DBX2: variants seen among roughly 807,000 people sequenced by gnomAD.
The protein encoded by DBX2 is homeobox protein DBX2.
A neutral mutation model predicts 17.7 loss-of-function variants in DBX2; 16 were observed. The ratio of observed to expected loss-of-function variants is 0.90; its 90% CI spans 0.61 to 1.37. DBX2 has a LOEUF of 1.37. Among genes scored for constraint, DBX2 ranks in the 40% most tolerant of loss-of-function variants. The pLI is 0.00. For synonymous variants in DBX2, 255 were observed against 183.8 expected, an observed-to-expected ratio of 1.39 and a Z score of -3.13; for missense variants, 538 against 433.8, an observed-to-expected ratio of 1.24 and a Z score of -2.13.
In DBX2 at chr12:45,016,402, G is replaced by C. The variant is rs886719032; in HGVS notation, c.904C>G (p.Leu302Val). The C allele has an allele frequency of 6.2e-7, 1 of 1,613,922 alleles. No individual in the cohort carries two copies. Among genetic ancestry groups the C allele is most frequent in the African/African-American group, 1.3e-5 (1 of 74,908 alleles). ...GGTGCCCCTGAACTCTCCTGGATTA[G>C]TCTTTCTGAAGGTTCTGGAGAATTC... ...RENSPEPSER[L>V]IQESSGAPPP... Residue 302 changes from leucine to valine, a missense_variant, in exon 4 of 4, where the codon CTA (leucine) becomes GTA (valine). Physicochemically the swap from Leu to Val is conservative, Grantham distance 32. Coordinates refer to ENST00000332700, the MANE Select transcript of DBX2 (RefSeq NM_001004329.3).
At chr12:45,045,184 A>G (rs562448145) in intron 1 of DBX2, among the ~76,000 whole-genome samples, 2 of 152,308 alleles carry the variant, frequency 1.3e-5, no homozygotes, top group South Asian at 4.2e-4. Context: ...ACGAAAACTC[A>G]GTTATTTAAA....
At chr12:45,030,891 T>C (rs73090958) in intron 2 of DBX2, among the ~76,000 whole-genome samples, 101 of 152,304 alleles carry the variant, frequency 6.6e-4, no homozygotes, top group Non-Finnish European at 1.4e-3. Context: ...TCCTTTTATA[T>C]AGATTCAATA....
At chr12:45,031,122 C>CA (rs1238867738) in intron 2 of DBX2, among the ~76,000 whole-genome samples, 7 of 151,786 alleles carry the variant, frequency 4.6e-5, no homozygotes, top group African/African-American at 1.5e-4. Context: ...CTCACAGTTG[C>CA]AACTTCCTAC....
intron 1 of DBX2, among the ~76,000 whole-genome samples, chr12:45,044,303 T>C (rs1042987383): frequency 2.6e-5 from 4 of 152,196 alleles, no homozygotes; most frequent in Non-Finnish European, 5.9e-5. Context: ...CCCTAGGTTA[T>C]CTATTAAAAA....
intron 1 of DBX2, among the ~76,000 whole-genome samples, chr12:45,045,848 C>G (rs1946496677): frequency 6.6e-6 from 1 of 152,058 alleles, no homozygotes; most frequent in African/African-American, 2.4e-5. Context: ...GTAGCATAAC[C>G]CTGAACACTC....
chr12:45,027,397 T>C (rs1170870053), intron 2 of DBX2, among the ~76,000 whole-genome samples: 2 of 152,194 alleles, frequency 1.3e-5, no homozygotes, highest in Non-Finnish European at 2.9e-5. Flanking sequence ...TTCAAATTAG[T>C]GGCTCTTTCC....
At chr12:45,025,591 G>C (rs1430192143) in intron 2 of DBX2, among the ~76,000 whole-genome samples, 1 of 151,328 alleles carries the variant, frequency 6.6e-6, no homozygotes, top group Non-Finnish European at 1.5e-5. Flanking sequence ...CCACCCTAAA[G>C]GAGCTCACCT....
rs138936755 is a variant in DBX2, at chr12:45,034,343, G to A, written c.499+1676C>T. 5.1e-3 allele frequency among the ~76,000 whole-genome samples: 776 copies of A among 152,166 alleles called. 10 individuals are homozygous for A. Among genetic ancestry groups the A allele is most frequent in the African/African-American group, 0.016 (677 of 41,496 alleles). On this transcript the variant is annotated intron_variant, in intron 2 of 3. Transcript: ENST00000332700. ...TTCCACAGCGATGCCATCATGATAC[G>A]GTATCAGATATTTGGGTTTTAGGTC...
rs534980382 is a variant in DBX2, at chr12:45,016,763, AT to A, written c.688-146del. 3.2e-5 allele frequency: 19 copies of A among 589,716 alleles called. No homozygotes were observed. The South Asian group carries it at 8.7e-4, about 27-fold the overall frequency. The allele number at this position is 589,716 out of a possible 1,614,324, so 36.5% of individuals were successfully genotyped here. On this transcript the variant is annotated intron_variant, in intron 3 of 3. Coordinates refer to ENST00000332700, the MANE Select transcript of DBX2 (RefSeq NM_001004329.3). ...TCAAAAAGTCCTTGTGGCTTTTCAC[AT>A]GGGCTCCTTCAAAAATATCCCATTG...
chr12:45,050,107 G>C (rs1285376048), intron 1 of DBX2, among the ~76,000 whole-genome samples: 2 of 152,098 alleles, frequency 1.3e-5, no homozygotes, highest in Non-Finnish European at 2.9e-5. Context: ...AGCTCTCCTT[G>C]TCAAGAACTT....
At chr12:45,016,983 A>G (rs1946327570) in intron 3 of DBX2, among the ~76,000 whole-genome samples, 1 of 151,954 alleles carries the variant, frequency 6.6e-6, no homozygotes. Context: ...ACAGGGTTTC[A>G]TCATGTTGCC....
At position 45,050,913 on chromosome 12, in the gene DBX2, C is replaced by T. The variant is rs943038816; in HGVS notation, c.15G>A (p.Ala5=). The change falls in exon 1 of 4, where the codon GCG becomes GCA. Residue 5 remains alanine, a synonymous_variant. Transcript: ENST00000332700. MLPS[A]VAAHAGAYWD... ...AGTACGCACCGGCGTGGGCTGCGAC[C>T]GCGCTGGGGAGCATAGTGCGGCGCC... The T allele has an allele frequency of 2.0e-6, 3 of 1,499,866 alleles. No individual in the cohort carries two copies. The Admixed American group carries it at 7.1e-5, about 35-fold the overall frequency. The allele number at this position is 1,499,866 out of a possible 1,614,324, so 92.9% of individuals were successfully genotyped here.
intron 2 of DBX2, among the ~76,000 whole-genome samples, chr12:45,024,795 C>G (rs1216295057): frequency 6.6e-6 from 1 of 152,148 alleles, no homozygotes; most frequent in Non-Finnish European, 1.5e-5. Flanking sequence ...AGGGGTCTGA[C>G]ATAAACCTGG....
chr12:45,018,716 C>A (rs1441626383), intron 3 of DBX2, among the ~76,000 whole-genome samples: 1 of 151,906 alleles, frequency 6.6e-6, no homozygotes, highest in East Asian at 1.9e-4. Flanking sequence ...GCATTATTCA[C>A]AATAGCCAAA....
intron 2 of DBX2, among the ~76,000 whole-genome samples, chr12:45,031,233 A>T (rs113051348): frequency 1.3e-3 from 127 of 100,478 alleles, no homozygotes; most frequent in Middle Eastern, 4.7e-3. Context: ...TGTGAGAGAG[A>T]GAGAGAGAGA....
At chr12:45,042,375 G>T (rs1250266510) in intron 1 of DBX2, among the ~76,000 whole-genome samples, 2 of 152,078 alleles carry the variant, frequency 1.3e-5, no homozygotes, top group African/African-American at 2.4e-5. Flanking sequence ...TCTTAATCAG[G>T]GCCTTGATTT....
intron 1 of DBX2, among the ~76,000 whole-genome samples, chr12:45,049,864 C>T (rs1284731804): frequency 6.6e-6 from 1 of 152,120 alleles, no homozygotes; most frequent in Non-Finnish European, 1.5e-5. Flanking sequence ...TCGGTAAATT[C>T]TTATTTATTG....
intron 1 of DBX2, among the ~76,000 whole-genome samples, chr12:45,046,476 T>G (rs1946500953): frequency 6.6e-6 from 1 of 152,182 alleles, no homozygotes; most frequent in Admixed American, 6.5e-5. Context: ...GATTTTAATT[T>G]GTCAAAATGA....
Position 45,027,988 on chromosome 12 carries a change from G to A in DBX2, c.500-4094C>T, listed in dbSNP as rs143360996. Among the ~76,000 whole-genome samples the A allele has an allele frequency of 8.3e-4, 126 of 152,328 alleles. 2 individuals carry two copies. The highest frequency in any genetic ancestry group is 2.8e-3 in the African/African-American group (115 of 41,578). Reference sequence around the variant, plus strand: ...TTAGTGCACCAGATAAGAAGCCGCTGAGTTAGGATGGTCAGCAAAGTAGGT... The same window carrying A: ...TTAGTGCACCAGATAAGAAGCCGCTAAGTTAGGATGGTCAGCAAAGTAGGT... On this transcript the variant is annotated intron_variant, in intron 2 of 3. Transcript: ENST00000332700.
Sources: allele counts gnomAD v4.1 joint callset (sites outside exome capture counted in the v4.1 genomes callset), GRCh38; gene constraint gnomAD v4.1.1; transcripts MANE v1.5; gene names NCBI Gene and HGNC (gene_info 2026-07-23, HGNC 2026-07-21).